Variants in FAM135B observed in about 807,000 individuals in gnomAD.
FAM135B encodes protein FAM135B.
A neutral mutation model predicts 127.7 loss-of-function variants in FAM135B; 43 were observed. The observed-to-expected ratio is 0.34, with a 90% CI of 0.26 to 0.43. The LOEUF is 0.43. Ranked by LOEUF, FAM135B falls within the 20% of genes least tolerant of loss-of-function variation. FAM135B has a pLI of 1.00. For synonymous variants in FAM135B, 670 were observed against 665.1 expected (o/e 1.01, Z -0.11); for missense variants, 1,558 against 1,725.6 (o/e 0.90, Z 1.72).
chr8:138,389,144 G>A (rs1471576407), intron 1 of FAM135B, among the ~76,000 whole-genome samples: 3 of 152,120 alleles, frequency 2.0e-5, no homozygotes, highest in East Asian at 3.9e-4. Context: ...AATTTAAATG[G>A]AAAATAACAA....
intron 3 of FAM135B, among the ~76,000 whole-genome samples, chr8:138,283,493 T>C (rs1824434507): frequency 6.6e-6 from 1 of 152,094 alleles, no homozygotes; most frequent in African/African-American, 2.4e-5. Context: ...CAGAGGATTT[T>C]TAGGGCAGTG....
At chr8:138,482,438 T>G (rs567184033) in intron 1 of FAM135B, among the ~76,000 whole-genome samples, 5 of 152,158 alleles carry the variant, frequency 3.3e-5, no homozygotes, top group Non-Finnish European at 5.9e-5. Flanking sequence ...TCCCATACCA[T>G]GCTTAGAAGA....
intron 3 of FAM135B, among the ~76,000 whole-genome samples, chr8:138,271,389 C>T (rs949440598): frequency 5.3e-5 from 8 of 152,086 alleles, no homozygotes; most frequent in Admixed American, 5.2e-4. Flanking sequence ...TATGCCTCAC[C>T]TATAATTTTA....
chr8:138,496,563 G>T (rs1187563404), intron 1 of FAM135B, 108 bp downstream of exon 1: 1 of 152,348 alleles, frequency 6.6e-6, no homozygotes, highest in South Asian at 2.1e-4. Flanking sequence ...CGGCGGAATC[G>T]CTGTTCCGTG....
At chr8:138,201,428 A>G (rs2131167538) in intron 7 of FAM135B, among the ~76,000 whole-genome samples, 1 of 152,340 alleles carries the variant, frequency 6.6e-6, no homozygotes, top group South Asian at 2.1e-4. Flanking sequence ...TAATCCAAAG[A>G]GAAATCCTGA....
chr8:138,252,515 T>A (rs1469963296), intron 5 of FAM135B, among the ~76,000 whole-genome samples: 1 of 152,066 alleles, frequency 6.6e-6, no homozygotes, highest in Non-Finnish European at 1.5e-5. Flanking sequence ...TAACAAGAAT[T>A]TAAGCCACAT....
intron 2 of FAM135B, among the ~76,000 whole-genome samples, chr8:138,359,482 G>A (rs557586157): frequency 5.3e-5 from 8 of 152,234 alleles, no homozygotes; most frequent in South Asian, 2.1e-4. Flanking sequence ...CAAAGCTGTC[G>A]TAATGTTAAA....
At chr8:138,268,601 C>A (rs1823130021) in intron 3 of FAM135B, among the ~76,000 whole-genome samples, 2 of 152,132 alleles carry the variant, frequency 1.3e-5, no homozygotes, top group African/African-American at 4.8e-5. Context: ...GCTTCATTCC[C>A]ATTGGGATTT....
intron 2 of FAM135B, among the ~76,000 whole-genome samples, chr8:138,350,527 T>C (rs1379951752): frequency 6.8e-6 from 1 of 146,784 alleles, no homozygotes; most frequent in South Asian, 2.1e-4. Flanking sequence ...CACACACACA[T>C]CTGTGACACA....
intron 15 of FAM135B, among the ~76,000 whole-genome samples, 191 bp from the exon 16 acceptor site, chr8:138,143,300 T>C (rs552248601): frequency 2.0e-5 from 3 of 152,142 alleles, no homozygotes; most frequent in Non-Finnish European, 4.4e-5. Context: ...GAAAGAAACA[T>C]GGAGATGCTC....
At chr8:138,417,876 T>C (rs368072968) in intron 1 of FAM135B, among the ~76,000 whole-genome samples, 2 of 152,268 alleles carry the variant, frequency 1.3e-5, no homozygotes, top group African/African-American at 4.8e-5. Flanking sequence ...AGAACTCTGG[T>C]GACACTAAAA....
chr8:138,254,723 T>C (rs1821946787), intron 5 of FAM135B, among the ~76,000 whole-genome samples: 1 of 152,106 alleles, frequency 6.6e-6, no homozygotes, highest in Non-Finnish European at 1.5e-5. Context: ...GAAAAGCAGG[T>C]GGCCAGAGGA....
At chr8:138,342,123 C>T (rs1299566127) in intron 2 of FAM135B, among the ~76,000 whole-genome samples, 1 of 152,174 alleles carries the variant, frequency 6.6e-6, no homozygotes, top group African/African-American at 2.4e-5. Flanking sequence ...CATTTTATCC[C>T]CACAAAACAC....
rs188279173 is a variant in FAM135B at position 138,415,774 on chromosome 8, T to C, written c.-19-47772A>G. Among the ~76,000 whole-genome samples the C allele has an allele frequency of 9.8e-5, 15 of 152,324 alleles. 1 individual carries two copies. Among genetic ancestry groups the C allele is most frequent in the Admixed American group, 7.2e-4 (11 of 15,302 alleles). ...GGGAATCCTAATACTCTCCAGCATC[T>C]GAGAATGAATGACAGTGACATAGTA... On this transcript the variant is annotated intron_variant, in intron 1 of 19. Coordinates refer to ENST00000395297, the MANE Select transcript of FAM135B (RefSeq NM_015912.4).
intron 1 of FAM135B, among the ~76,000 whole-genome samples, chr8:138,445,540 C>A (rs1836090009): frequency 6.6e-6 from 1 of 152,048 alleles, no homozygotes; most frequent in South Asian, 2.1e-4. Context: ...TAAACAGAAC[C>A]AAAGACAAAA....
At chr8:138,368,059 C>T (rs1481382972) in intron 1 of FAM135B, 57 bp from the exon 2 acceptor site, 1 of 1,303,086 alleles carries the variant, frequency 7.7e-7, no homozygotes. Context: ...TCAGAAAGAA[C>T]CTGGCTTTTA....
chr8:138,378,550 C>T (rs1208618163), intron 1 of FAM135B, among the ~76,000 whole-genome samples: 2 of 152,218 alleles, frequency 1.3e-5, no homozygotes, highest in Non-Finnish European at 2.9e-5. Flanking sequence ...GAGTTACCTA[C>T]ACCCTCACCA....
At chr8:138,462,766 G>A (rs1290935388) in intron 1 of FAM135B, among the ~76,000 whole-genome samples, 1 of 152,192 alleles carries the variant, frequency 6.6e-6, no homozygotes, top group African/African-American at 2.4e-5. Flanking sequence ...AGCGTGAGGT[G>A]CAAAGAAACA....
At chr8:138,182,041 T>C (rs1353385701) in intron 9 of FAM135B, among the ~76,000 whole-genome samples, 5 of 152,210 alleles carry the variant, frequency 3.3e-5, no homozygotes, top group African/African-American at 1.2e-4. Context: ...GAACTCAGAC[T>C]GCCTCTCCCG....
Sources: gnomAD v4.1 joint callset for allele counts (sites outside exome capture counted in the v4.1 genomes callset) on GRCh38, gnomAD v4.1.1 for gene constraint, MANE v1.5 for transcripts, NCBI Gene and HGNC (gene_info 2026-07-23, HGNC 2026-07-21) for gene names.